The following MED29 variants were observed in gnomAD, a reference collection of about 807,000 sequenced individuals.
The protein encoded by MED29 is mediator complex subunit 29, also known as mediator of RNA polymerase II transcription subunit 29.
In MED29, 14 loss-of-function variants were observed where a neutral mutation model predicts 22.0. The observed-to-expected ratio is 0.64, with a 90% confidence interval of 0.42 to 0.99. The LOEUF is 0.99. Among genes scored for constraint, MED29 ranks in the 50% least tolerant of loss-of-function variants. The pLI is 0.00. For missense variants in MED29, 241 were observed against 253.7 expected (o/e 0.95, Z 0.34); for synonymous variants, 123 against 107.8 (o/e 1.14, Z -0.87).
chr19:39,396,955 G>A (rs915964721), intron 3 of MED29, among the ~76,000 whole-genome samples: 6 of 151,926 alleles, frequency 3.9e-5, no homozygotes, highest in Non-Finnish European at 8.8e-5. Flanking sequence ...TTGAACCTGG[G>A]AGGCGGAGGT....
rs765645820 is a variant in MED29 at position 39,391,392 on chromosome 19, T to C, written c.-31T>C. ...AAAGCAACGGGGAGAGACGCAGTCG[T>C]AACGCACTTCCGGCGGTCTACGCGA... On this transcript the variant is annotated 5_prime_UTR_variant, in exon 1 of 4. Transcript: ENST00000315588. 51 of 1,606,836 alleles carry C rather than the reference T, an allele frequency of 3.2e-5. No individual in the cohort carries two copies. The East Asian group carries it at 1.1e-3, about 36-fold the overall frequency.
rs756019190 is a variant in MED29, at chr19:39,397,770, G to T, written c.*71G>T. ...GCAAAGGGAATGAAGAGCGTCCTGG[G>T]CCTAAACACAGCAGCCTCCTCTCTT... On this transcript the variant is annotated 3_prime_UTR_variant, in exon 4 of 4. Coordinates refer to ENST00000315588, the MANE Select transcript of MED29 (RefSeq NM_017592.4). 1.3e-6 allele frequency: 2 copies of T among 1,551,168 alleles called. No homozygotes were observed. The highest frequency in any genetic ancestry group is 2.3e-5 in the East Asian group (1 of 43,534).
intron 2 of MED29, among the ~76,000 whole-genome samples, chr19:39,393,272 T>C (rs1421866890): frequency 2.0e-5 from 3 of 150,402 alleles, no homozygotes; most frequent in Non-Finnish European, 4.4e-5. Context: ...ATTTTTGTAT[T>C]TTTAGTAGAG....
chr19:39,397,033 A>AC (rs1469952876), intron 3 of MED29, among the ~76,000 whole-genome samples: 5 of 123,334 alleles, frequency 4.1e-5, no homozygotes, highest in African/African-American at 1.8e-4. Flanking sequence ...CATCTCAAAA[A>AC]AAAAAAAGAA....
chr19:39,397,954 G>A lies in MED29; in HGVS notation c.*255G>A, dbSNP rs2078439209. On this transcript the variant is annotated 3_prime_UTR_variant, in exon 4 of 4. Coordinates refer to ENST00000315588, the MANE Select transcript of MED29 (RefSeq NM_017592.4). ...TGTTGATGACTTCTCTGTTCCACAG[G>A]CCCTCCCCCATTCTTGCCTGGGTGT... 1.7e-6 allele frequency: 1 copy of A among 592,382 alleles called. No homozygotes were observed. The highest frequency in any genetic ancestry group is 2.9e-6 in the Non-Finnish European group (1 of 343,218). The allele number at this position is 592,382 out of a possible 1,614,324, so 36.7% of individuals were successfully genotyped here. A position where few individuals can be genotyped will look rare whatever the true frequency, so the allele number is the denominator to read the frequency against.
chr19:39,397,887 C>CCTG lies in MED29; in HGVS notation c.*191_*193dup, dbSNP rs2078438542. ...GGCCCCTGCGTCCCTGCCCCTTCTT[C>CCTG]CTGCTCCCCCTCCTAGCCTAGGGTA... On this transcript the variant is annotated 3_prime_UTR_variant, in exon 4 of 4. Coordinates refer to ENST00000315588, the MANE Select transcript of MED29 (RefSeq NM_017592.4). 1 of 898,952 alleles carries CCTG rather than the reference C, an allele frequency of 1.1e-6. No individual in the cohort carries two copies. Among genetic ancestry groups the CCTG allele is most frequent in the African/African-American group, 1.7e-5 (1 of 59,552 alleles). 55.7% of individuals were successfully genotyped at this position (898,952 alleles called of 1,614,324 possible).
At chr19:39,393,883 G>A (rs1345110276) in intron 3 of MED29, among the ~76,000 whole-genome samples, 2 of 152,230 alleles carry the variant, frequency 1.3e-5, no homozygotes, top group Non-Finnish European at 2.9e-5. Context: ...GATGGGAGAA[G>A]CCTAGGCCAG....
intron 3 of MED29, 24 bp downstream of exon 3, chr19:39,393,661 G>A (rs779067234): frequency 5.7e-6 from 9 of 1,587,778 alleles, no homozygotes; most frequent in Non-Finnish European, 7.8e-6. Context: ...TGGACACGGG[G>A]TAACAACAGC....
Position 39,397,817 on chromosome 19 carries a change from G to C in MED29, c.*118G>C. The C allele has an allele frequency of 1.4e-6, 2 of 1,467,980 alleles. No homozygotes were observed. Among genetic ancestry groups the C allele is most frequent in the East Asian group, 2.5e-5 (1 of 40,446 alleles). The allele number at this position is 1,467,980 out of a possible 1,614,324, so 90.9% of individuals were successfully genotyped here. The stretch of plus-strand genomic sequence containing the variant: ...TCTTCCTGCCTGAGCACCGCAGCGG[G>C]AGCCAGCAGGGGGCAGCAGAGGCCA... On this transcript the variant is annotated 3_prime_UTR_variant, in exon 4 of 4. Transcript: ENST00000315588.
Position 39,399,872 on chromosome 19 carries a change from CCA to C in MED29, c.*2176_*2177del, listed in dbSNP as rs1226326222. On this transcript the variant is annotated 3_prime_UTR_variant, in exon 4 of 4. Coordinates refer to ENST00000315588, the MANE Select transcript of MED29 (RefSeq NM_017592.4). ...ATGCTTAAAACCACACCCAGGGAGC[CCA>C]CAGAGGCACTCAGTGGGTGGTGGGG... is the stretch of plus-strand genomic sequence containing the variant. 1.3e-5 allele frequency: 2 copies of C among 152,168 alleles called. No individual in the cohort carries two copies. Among genetic ancestry groups the C allele is most frequent in the African/African-American group, 4.8e-5 (2 of 41,414 alleles). 9.4% of individuals were successfully genotyped at this position (152,168 alleles called of 1,614,324 possible). A position where few individuals can be genotyped will look rare whatever the true frequency, so the allele number is the denominator to read the frequency against.
intron 3 of MED29, among the ~76,000 whole-genome samples, chr19:39,396,897 G>A (rs548750901): frequency 2.9e-4 from 44 of 150,090 alleles, no homozygotes; most frequent in Non-Finnish European, 5.5e-4. Context: ...GTGTGGTGGC[G>A]GGTGCCTGTA....
Position 39,392,529 on chromosome 19 carries a change from G to A in MED29, c.275+7G>A, listed in dbSNP as rs1478319315. The A allele has an allele frequency of 8.1e-6, 13 of 1,613,138 alleles. No individual in the cohort carries two copies. The highest frequency in any genetic ancestry group is 2.7e-5 in the African/African-American group (2 of 74,802). ...CTAACATCGACAATGGACAGTGAGT[G>A]CAGCCCCCTTTACCAGGATATTCTA... On this transcript the variant is annotated splice_region_variant and intron_variant, in intron 2 of 3. Coordinates refer to ENST00000315588, the MANE Select transcript of MED29 (RefSeq NM_017592.4).
chr19:39,397,992 GTC>G lies in MED29; in HGVS notation c.*294_*295del. 1.8e-6 allele frequency: 1 copy of G among 547,834 alleles called. No individual in the cohort carries two copies. The allele number at this position is 547,834 out of a possible 1,614,324, so 33.9% of individuals were successfully genotyped here. A position where few individuals can be genotyped will look rare whatever the true frequency, so the allele number is the denominator to read the frequency against. On this transcript the variant is annotated 3_prime_UTR_variant, in exon 4 of 4. Coordinates refer to ENST00000315588, the MANE Select transcript of MED29 (RefSeq NM_017592.4). ...CTTGCCTGGGTGTGGAGCCCTGGCT[GTC>G]CCCTCTCCCTCAGTCCTTCCTGACT...
At chr19:39,392,029 AT>A (rs1320355125) in intron 1 of MED29, among the ~76,000 whole-genome samples, 2 of 151,946 alleles carry the variant, frequency 1.3e-5, no homozygotes, top group Non-Finnish European at 2.9e-5. Flanking sequence ...CGTCAAAAAA[AT>A]AAATAAATAA....
At chr19:39,393,304 C>A (rs185229526) in intron 2 of MED29, among the ~76,000 whole-genome samples, 1 of 151,974 alleles carries the variant, frequency 6.6e-6, no homozygotes, top group East Asian at 1.9e-4. Context: ...CCATGTTGTC[C>A]AGGCTGGTCT....
Position 39,400,484 on chromosome 19 carries a change from A to G in MED29, c.*2785A>G, listed in dbSNP as rs1443445575. On this transcript the variant is annotated 3_prime_UTR_variant, in exon 4 of 4. Transcript: ENST00000315588. ...TGTATAATTAAATCATACTTAGCAA[A>G]TCTAACACATGAAATGTAACATCTG... is the stretch of plus-strand genomic sequence containing the variant. 6.6e-6 allele frequency: 1 copy of G among 152,222 alleles called. No individual in the cohort carries two copies. The highest frequency in any genetic ancestry group is 1.5e-5 in the Non-Finnish European group (1 of 68,032). The allele number at this position is 152,222 out of a possible 1,614,324, so 9.4% of individuals were successfully genotyped here.
In MED29 at chr19:39,393,602, T is replaced by C; in HGVS notation, c.325T>C (p.Phe109Leu). The change falls in exon 3 of 4, where the codon TTC (phenylalanine) becomes CTC (leucine). Residue 109 changes from phenylalanine to leucine, a missense_variant. Phe to Leu is a conservative substitution (Grantham distance 22, BLOSUM62 0). Coordinates refer to ENST00000315588, the MANE Select transcript of MED29 (RefSeq NM_017592.4). The stretch of plus-strand genomic sequence containing the variant: ...GCGCTTTGACAAGTGCCTGGAAGAG[T>C]TCTATGCACTCTGTGACCAGCTGGA... The part of the protein sequence containing the change: ...IQRFDKCLEE[F>L]YALCDQLELC... 1 of 1,613,926 alleles carries C rather than the reference T, an allele frequency of 6.2e-7. No individual in the cohort carries two copies.
intron 2 of MED29, 75 bp downstream of exon 2, chr19:39,392,597 C>A: frequency 2.3e-6 from 3 of 1,292,750 alleles, no homozygotes; most frequent in South Asian, 2.6e-5. Context: ...TTCTCCTGCT[C>A]CCCGCCCACC....
rs761196404 is a variant in MED29 at position 39,391,413 on chromosome 19, C to T, written c.-10C>T. The T allele has an allele frequency of 3.1e-6, 5 of 1,611,496 alleles. No individual in the cohort carries two copies. The East Asian group carries it at 6.7e-5, about 22-fold the overall frequency. ...GTCGTAACGCACTTCCGGCGGTCTA[C>T]GCGAGGAAGATGGCTGCATCCCAGC... is the stretch of plus-strand genomic sequence containing the variant. On this transcript the variant is annotated 5_prime_UTR_variant, in exon 1 of 4. In the 5' UTR this introduces an upstream ATG that the reference lacks. Coordinates refer to ENST00000315588, the MANE Select transcript of MED29 (RefSeq NM_017592.4).
Sources: allele counts gnomAD v4.1 joint callset (sites outside exome capture counted in the v4.1 genomes callset), GRCh38; gene constraint gnomAD v4.1.1; transcripts MANE v1.5; gene names NCBI Gene and HGNC (gene_info 2026-07-23, HGNC 2026-07-21).